INTS2: variants seen among roughly 807,000 people sequenced by gnomAD.
The protein encoded by INTS2 is integrator complex subunit 2.
Under a neutral mutation model 139.6 loss-of-function variants are expected in INTS2, and 57 were observed. The ratio of observed to expected loss-of-function variants is 0.41; its 90% CI spans 0.33 to 0.51. The LOEUF is 0.51. Ranked by LOEUF, INTS2 falls within the 20% of genes least tolerant of loss-of-function variation. The pLI is 0.28. For synonymous variants in INTS2, 473 were observed against 493.4 expected, an observed-to-expected ratio of 0.96 and a Z score of 0.55; for missense variants, 1,196 against 1,436.7, an observed-to-expected ratio of 0.83 and a Z score of 2.71.
intron 17 of INTS2, among the ~76,000 whole-genome samples, chr17:61,879,048 C>T (rs1304360913): frequency 2.2e-5 from 2 of 89,232 alleles, no homozygotes; most frequent in Admixed American, 1.3e-4. Context: ...AGATGGGAGT[C>T]TTGCTATGTT....
chr17:61,913,133 T>C (rs2079545041), intron 5 of INTS2, among the ~76,000 whole-genome samples: 1 of 138,998 alleles, frequency 7.2e-6, no homozygotes. Flanking sequence ...AGGCCAGGAG[T>C]TCAAGATCAG....
intron 9 of INTS2, among the ~76,000 whole-genome samples, chr17:61,900,022 C>T (rs778234477): frequency 2.0e-5 from 3 of 152,028 alleles, no homozygotes; most frequent in Non-Finnish European, 4.4e-5. Flanking sequence ...TTACACCATC[C>T]TGAAACTCCA....
At chr17:61,888,595 A>G (rs2079255235) in intron 15 of INTS2, among the ~76,000 whole-genome samples, 1 of 144,582 alleles carries the variant, frequency 6.9e-6, no homozygotes, top group Non-Finnish European at 1.5e-5. Context: ...GTGTGTGGAG[A>G]TGGGCATCTT....
At position 61,875,484 on chromosome 17, in the gene INTS2, A is replaced by G. The variant is rs1248104932; in HGVS notation, c.2457-446T>C. Among the ~76,000 whole-genome samples, 1 of 152,224 alleles carries G rather than the reference A, an allele frequency of 6.6e-6. No individual in the cohort carries two copies. The highest frequency in any genetic ancestry group is 1.5e-5 in the Non-Finnish European group (1 of 68,034). On this transcript the variant is annotated intron_variant, in intron 18 of 24. Transcript: ENST00000251334. The surrounding 1 kb of genome is among the most constrained non-coding windows in gnomAD (Gnocchi z 4.6). ...AAGTCACTATTCTGGATTTATCATC[A>G]TAAAGTCTCCAAGTGAGATGCCACT...
rs753440245 is a variant in INTS2, at chr17:61,881,088, T to G, written c.2173A>C (p.Ile725Leu). The G allele has an allele frequency of 6.2e-7, 1 of 1,613,676 alleles. No individual in the cohort carries two copies. Among genetic ancestry groups the G allele is most frequent in the Non-Finnish European group, 8.5e-7 (1 of 1,179,594 alleles). Reference protein sequence around the residue: ...IVDDWICEEEITGTDALLRRM... With the variant: ...IVDDWICEEELTGTDALLRRM... ...CGTAGCAGGGCATCAGTCCCTGTGA[T>G]TTCTTCTTCACAAATCCAGTCATCC... Residue 725 changes from isoleucine (I) to leucine (L), a missense_variant, in exon 17 of 25, where the codon ATC becomes CTC. Transcript: ENST00000251334.
chr17:61,925,778 A>C (rs561008660), intron 2 of INTS2, among the ~76,000 whole-genome samples: 1 of 151,962 alleles, frequency 6.6e-6, no homozygotes, highest in East Asian at 2.0e-4. Flanking sequence ...TAATCCCAGC[A>C]CTTTGGGAGG....
chr17:61,904,282 C>T (rs1260088758), intron 9 of INTS2, among the ~76,000 whole-genome samples, 178 bp downstream of exon 9: 1 of 152,122 alleles, frequency 6.6e-6, no homozygotes, highest in Non-Finnish European at 1.5e-5. Context: ...CCACTGTACT[C>T]CAGCCTGGGC....
At chr17:61,903,460 C>T (rs547123969) in intron 9 of INTS2, among the ~76,000 whole-genome samples, 12 of 152,026 alleles carry the variant, frequency 7.9e-5, no homozygotes, top group Non-Finnish European at 1.6e-4. Context: ...GAGCTTTATA[C>T]TACCAGGTAT....
In INTS2 at chr17:61,878,042, T is replaced by A. The variant is rs777407819; in HGVS notation, c.2301A>T (p.Ile767=). ...TGGCAGAGAGTAGAGTCAAGTGTTC[T>A]ATAATCTGCATCACTTGTGTGTTAT... is the stretch of plus-strand genomic sequence containing the variant. ...PVNNTQVMQI[I]EHLTLLSASE... is the part of the protein sequence containing the mutation. Residue 767 remains isoleucine (I), a synonymous_variant, in exon 18 of 25, where the codon ATA becomes ATT. Coordinates refer to ENST00000251334, the MANE Select transcript of INTS2 (RefSeq NM_001351695.2). 63 of 1,612,930 alleles carry A rather than the reference T, an allele frequency of 3.9e-5. No homozygotes were observed. Among genetic ancestry groups the A allele is most frequent in the South Asian group, 8.8e-5 (8 of 91,072 alleles).
intron 5 of INTS2, among the ~76,000 whole-genome samples, chr17:61,917,601 G>A (rs1195950948): frequency 6.6e-6 from 1 of 152,086 alleles, no homozygotes; most frequent in African/African-American, 2.4e-5. Flanking sequence ...CATAAAGATG[G>A]GAACAATGGA....
In INTS2 at chr17:61,881,149, A is replaced by T; in HGVS notation, c.2112T>A (p.Arg704=). 1 of 1,613,358 alleles carries T rather than the reference A, an allele frequency of 6.2e-7. No individual in the cohort carries two copies. The highest frequency in any genetic ancestry group is 8.5e-7 in the Non-Finnish European group (1 of 1,179,580). Residue 704 remains arginine, a synonymous_variant, in exon 17 of 25, where the codon CGT becomes CGA. Coordinates refer to ENST00000251334, the MANE Select transcript of INTS2 (RefSeq NM_001351695.2). The stretch of plus-strand genomic sequence containing the variant: ...AATGTGGGTAGTTAGTAGCAAGGAG[A>T]CGTAGTAAAGCTGAATGCAACCCTT... ...ELGGLHSALL[R]LLATNYPHLC...
intron 5 of INTS2, among the ~76,000 whole-genome samples, chr17:61,915,377 T>TAAATAAATAAATAAGC (rs1209206195): frequency 6.8e-6 from 1 of 147,178 alleles, no homozygotes; most frequent in African/African-American, 2.5e-5. Context: ...AATAAATAAA[T>TAAATAAATAAATAAGC]AAGCCAGGTG....
At position 61,911,958 on chromosome 17, in the gene INTS2, G is replaced by C. The variant is rs1207654610; in HGVS notation, c.762C>G (p.Leu254=). 2.5e-5 allele frequency: 41 copies of C among 1,613,346 alleles called. No individual in the cohort carries two copies. Among genetic ancestry groups the C allele is most frequent in the Non-Finnish European group, 3.4e-5 (40 of 1,179,710 alleles). ...CACTTACCACCATGCCTCGGACCTT[G>C]AGGGCCTGAGAAGGATTCATTTTAC... is the stretch of plus-strand genomic sequence containing the variant. ...FLCKMNPSQA[L]KVRGMVVEEC... is the part of the protein sequence containing the mutation. The change falls in exon 6 of 25, where the codon CTC becomes CTG. Residue 254 remains leucine (L), a synonymous_variant. Transcript: ENST00000251334.
intron 1 of INTS2, 48 bp downstream of exon 1, chr17:61,927,606 A>T: frequency 3.2e-6 from 4 of 1,268,334 alleles, no homozygotes; most frequent in Non-Finnish European, 4.0e-6. Flanking sequence ...CCAGGCTCCG[A>T]CACGGACCTA....
intron 9 of INTS2, among the ~76,000 whole-genome samples, chr17:61,901,657 T>A (rs9911314): frequency 7.5e-6 from 1 of 134,032 alleles, no homozygotes. Flanking sequence ...TGGAGTGCAG[T>A]GGCGCAATCT....
At chr17:61,908,961 T>C (rs551511067) in intron 7 of INTS2, among the ~76,000 whole-genome samples, 1 of 152,274 alleles carries the variant, frequency 6.6e-6, no homozygotes, top group Middle Eastern at 3.4e-3. Context: ...CAATCTGCAT[T>C]AGCTCCTTCA....
intron 11 of INTS2, among the ~76,000 whole-genome samples, 172 bp from the exon 12 acceptor site, chr17:61,895,555 A>C (rs1015532640): frequency 6.6e-6 from 1 of 152,194 alleles, no homozygotes; most frequent in Non-Finnish European, 1.5e-5. Flanking sequence ...AATACTCAAA[A>C]ACAGAACCAA....
chr17:61,915,480 T>C (rs567087786), intron 5 of INTS2, among the ~76,000 whole-genome samples: 62 of 148,904 alleles, frequency 4.2e-4, no homozygotes, highest in Non-Finnish European at 7.7e-4. Flanking sequence ...GCGCCGAGAT[T>C]GCGCCACTGC....
At chr17:61,889,941 G>A (rs940013441) in intron 14 of INTS2, 47 bp from the exon 15 acceptor site, 3 of 1,195,620 alleles carry the variant, frequency 2.5e-6, no homozygotes, top group Non-Finnish European at 3.6e-6. Flanking sequence ...AATTTCACGA[G>A]TGCTTTTTTT....
Sources: gnomAD v4.1 joint callset for allele counts (sites outside exome capture counted in the v4.1 genomes callset) on GRCh38, gnomAD v4.1.1 for gene constraint, Gnocchi (gnomAD v3.1) non-coding constraint, MANE v1.5 for transcripts, NCBI Gene and HGNC (gene_info 2026-07-23, HGNC 2026-07-21) for gene names.